BOD1L1: variants seen among roughly 807,000 people sequenced by gnomAD.
BOD1L1 encodes biorientation of chromosomes in cell division protein 1-like 1.
BOD1L1 carries 86 observed loss-of-function variants against 240.7 expected under a neutral mutation model. The observed-to-expected ratio is 0.36, with a 90% confidence interval of 0.30 to 0.43. The LOEUF (loss-of-function observed/expected upper bound fraction) is 0.43. Ranked by LOEUF, BOD1L1 falls within the 20% of genes least tolerant of loss-of-function variation. BOD1L1 has a pLI of 1.00. For synonymous variants in BOD1L1, 1,268 were observed against 1,272.3 expected (o/e 1.00, Z 0.07); for missense variants, 3,554 against 3,643.5 (o/e 0.98, Z 0.63).
chr4:13,601,046 C>T lies in BOD1L1; in HGVS notation c.5854G>A (p.Gly1952Arg). 2 of 1,614,004 alleles carry T rather than the reference C, an allele frequency of 1.2e-6. No homozygotes were observed. Among genetic ancestry groups the T allele is most frequent in the East Asian group, 4.5e-5 (2 of 44,882 alleles). ...KDTDICSSAKGIVESSVTSAV... is the reference protein window; with the variant it reads ...KDTDICSSAKRIVESSVTSAV... ...CTGGTCACACTGCTTTCTACAATCC[C>T]TTTTGCACTGGAGCAGATATCTGTG... The change falls in exon 10 of 26, where the codon GGG becomes AGG. Residue 1952 changes from glycine (G) to arginine (R), a missense_variant. Physicochemically the swap from Gly to Arg is moderately radical, Grantham distance 125. Around this residue, in one of 2 missense-constraint regions of BOD1L1, gnomAD observed 3,393 missense variants for 3,427.1 expected, o/e 0.99. Coordinates refer to ENST00000040738, the MANE Select transcript of BOD1L1 (RefSeq NM_148894.3).
rs1053032 is a variant in BOD1L1, at chr4:13,569,423, G to A, written c.*588C>T. The A allele has an allele frequency of 2.0e-5, 3 of 152,064 alleles. No individual in the cohort carries two copies. Among genetic ancestry groups the A allele is most frequent in the Admixed American group, 6.5e-5 (1 of 15,272 alleles). 9.4% of individuals were successfully genotyped at this position (152,064 alleles called of 1,614,324 possible). A position where few individuals can be genotyped will look rare whatever the true frequency, so the allele number is the denominator to read the frequency against. On this transcript the variant is annotated 3_prime_UTR_variant, in exon 26 of 26. Transcript: ENST00000040738. ...TAAACTACTTTACTTGGATACATGCGAGTTTCTGCCAGATCATATTAAGAT... is the reference window on the plus strand; with the variant it reads ...TAAACTACTTTACTTGGATACATGCAAGTTTCTGCCAGATCATATTAAGAT...
intron 2 of BOD1L1, among the ~76,000 whole-genome samples, chr4:13,619,545 A>G (rs1716888975): frequency 6.6e-6 from 1 of 152,146 alleles, no homozygotes; most frequent in African/African-American, 2.4e-5. Context: ...TCAAGAGAGA[A>G]TATTTTAATT....
At chr4:13,572,384 G>C (rs1198988916) in intron 25 of BOD1L1, among the ~76,000 whole-genome samples, 1 of 152,188 alleles carries the variant, frequency 6.6e-6, no homozygotes, top group East Asian at 1.9e-4. Context: ...CAATGCTCTA[G>C]CTAAAACAGA....
In BOD1L1 at chr4:13,613,664, T is replaced by A; in HGVS notation, c.1175-3A>T. 6.6e-7 allele frequency: 1 copy of A among 1,521,426 alleles called. No homozygotes were observed. The allele number at this position is 1,521,426 out of a possible 1,614,324, so 94.2% of individuals were successfully genotyped here. ...ATCAGAATCTATCAAAGAGAAATCT[T>A]CAAGCGGAAAATAAAACACAGAAAA... On this transcript the variant is annotated splice_region_variant and splice_polypyrimidine_tract_variant and intron_variant, in intron 4 of 25. Transcript: ENST00000040738. The surrounding 1 kb of genome is among the most constrained non-coding windows in gnomAD (Gnocchi z 4.0).
At chr4:13,605,406 T>A (rs1403991887) in intron 9 of BOD1L1, among the ~76,000 whole-genome samples, 1 of 152,164 alleles carries the variant, frequency 6.6e-6, no homozygotes, top group African/African-American at 2.4e-5. Flanking sequence ...CAAAATAAAG[T>A]TAAATACTTA....
At chr4:13,596,178 A>G (rs1368729612) in intron 11 of BOD1L1, among the ~76,000 whole-genome samples, 1 of 152,130 alleles carries the variant, frequency 6.6e-6, no homozygotes, top group Non-Finnish European at 1.5e-5. Flanking sequence ...CTTTAAAGGT[A>G]AAAACCCCAA....
chr4:13,577,363 T>G, intron 24 of BOD1L1, 40 bp downstream of exon 24: 2 of 1,574,224 alleles, frequency 1.3e-6, no homozygotes, highest in Non-Finnish European at 1.7e-6. Context: ...AAGGTGGTTT[T>G]GAAACAATAA....
At chr4:13,595,150 T>A (rs1334265240) in intron 12 of BOD1L1, among the ~76,000 whole-genome samples, 1 of 152,234 alleles carries the variant, frequency 6.6e-6, no homozygotes, top group Non-Finnish European at 1.5e-5. Context: ...AAAGAGTTGT[T>A]AACTTATAGT....
intron 2 of BOD1L1, among the ~76,000 whole-genome samples, chr4:13,615,829 A>G (rs1716544256): frequency 6.6e-6 from 1 of 152,130 alleles, no homozygotes; most frequent in South Asian, 2.1e-4. Flanking sequence ...TCTCACCCCT[A>G]CTCTGCTCAT....
chr4:13,598,274 T>C (rs1714782050), intron 10 of BOD1L1, among the ~76,000 whole-genome samples: 1 of 152,162 alleles, frequency 6.6e-6, no homozygotes. Context: ...TATTCTAAAC[T>C]AGAAACTCAT....
Position 13,577,001 on chromosome 4 carries a change from T to C in BOD1L1, c.8885-10A>G. ...TCTGGCTCTGAGGATTCTGTTCAAATAGAAGGGTAACACCTGGATTTTACA... is the reference window on the plus strand; with the variant it reads ...TCTGGCTCTGAGGATTCTGTTCAAACAGAAGGGTAACACCTGGATTTTACA... On this transcript the variant is annotated splice_polypyrimidine_tract_variant and intron_variant, in intron 24 of 25. Transcript: ENST00000040738. The C allele has an allele frequency of 6.2e-7, 1 of 1,613,162 alleles. No individual in the cohort carries two copies. The highest frequency in any genetic ancestry group is 8.5e-7 in the Non-Finnish European group (1 of 1,179,520).
intron 25 of BOD1L1, among the ~76,000 whole-genome samples, chr4:13,574,833 T>C (rs1049794249): frequency 2.6e-5 from 4 of 152,198 alleles, no homozygotes; most frequent in Non-Finnish European, 5.9e-5. Context: ...TCTGATTCTT[T>C]GAGAAATCAA....
rs1715885919 is a variant in BOD1L1, at chr4:13,608,406, C to T, written c.1742+124G>A. ...GATACTAAATATGAAACCCTAAGGT[C>T]CTTCATAAACATGCAGTAACATACA... On this transcript the variant is annotated intron_variant, in intron 8 of 25. Transcript: ENST00000040738. The T allele has an allele frequency of 5.2e-6, 4 of 772,612 alleles. No homozygotes were observed. The South Asian group carries it at 1.5e-4, about 28-fold the overall frequency. The allele number at this position is 772,612 out of a possible 1,614,324, so 47.9% of individuals were successfully genotyped here. A position where few individuals can be genotyped will look rare whatever the true frequency, so the allele number is the denominator to read the frequency against.
rs36096107 is a variant in BOD1L1 at position 13,584,441 on chromosome 4, AGTGTGTGTGTGTGT to A, written c.8434-1719_8434-1706del. ...GTGGCGGGGAGAGAAAGAGAGAGAG[AGTGTGTGTGTGTGT>A]GTGTGTGTGTGTGTGTGTGTGTGTG... is the stretch of plus-strand genomic sequence containing the variant. On this transcript the variant is annotated intron_variant, in intron 17 of 25. Transcript: ENST00000040738. Among the ~76,000 whole-genome samples the A allele has an allele frequency of 4.8e-4, 65 of 134,904 alleles. 1 individual carries two copies. Among genetic ancestry groups the A allele is most frequent in the Middle Eastern group, 3.6e-3 (1 of 274 alleles). 88.5% of individuals were successfully genotyped at this position (134,904 alleles called of 152,430 possible).
In BOD1L1 at chr4:13,599,232, CTGCTCAGCAGGAAGAAAGGAA is replaced by C. The variant is rs1714870697; in HGVS notation, c.7647_7667del (p.His2549_Glu2555del). 1 of 1,613,808 alleles carries C rather than the reference CTGCTCAGCAGGAAGAAAGGAA, an allele frequency of 6.2e-7. No homozygotes were observed. Reference sequence around the variant, plus strand: ...TTTTCAAGTTGTCTTCAGACCCCTGCTGCTCAGCAGGAAGAAAGGAATGCTCAGCCACGGTCCCTTGAACAG... The same window carrying C: ...TTTTCAAGTTGTCTTCAGACCCCTGCTGCTCAGCCACGGTCCCTTGAACAG... On this transcript the variant is annotated inframe_deletion, in exon 10 of 26. Transcript: ENST00000040738.
chr4:13,611,413 C>G (rs1387507913), intron 5 of BOD1L1, among the ~76,000 whole-genome samples: 1 of 152,180 alleles, frequency 6.6e-6, no homozygotes, highest in African/African-American at 2.4e-5. Flanking sequence ...GCGTTGGAAC[C>G]AGGAGAGGTT....
chr4:13,607,166 T>C lies in BOD1L1; in HGVS notation c.1766A>G (p.Lys589Arg), dbSNP rs780663513. The change falls in exon 9 of 26, where the codon AAG becomes AGG. Residue 589 changes from lysine (K) to arginine (R), a missense_variant. Physicochemically the swap from Lys to Arg is conservative, Grantham distance 26. This residue lies in a region of BOD1L1 where 3,393 missense variants were observed against 3,427.1 expected (regional missense o/e 0.99). Transcript: ENST00000040738. ...GGAATCTTCTTCATATTGCTGTTTCTTTTTGGAGTTCTCTTCAACATTCCT... is the reference window on the plus strand; with the variant it reads ...GGAATCTTCTTCATATTGCTGTTTCCTTTTGGAGTTCTCTTCAACATTCCT... ...DSRNVEENSK[K>R]KQQYEEDSKE... 1 of 1,575,090 alleles carries C rather than the reference T, an allele frequency of 6.3e-7. No individual in the cohort carries two copies. Among genetic ancestry groups the C allele is most frequent in the East Asian group, 2.4e-5 (1 of 42,244 alleles).
chr4:13,615,391 G>T lies in BOD1L1; in HGVS notation c.480C>A (p.Ala160=). The T allele has an allele frequency of 6.2e-7, 1 of 1,613,724 alleles. No homozygotes were observed. The highest frequency in any genetic ancestry group is 8.5e-7 in the Non-Finnish European group (1 of 1,179,760). The change falls in exon 3 of 26, where the codon GCC becomes GCA. Residue 160 remains alanine (A), a synonymous_variant. Coordinates refer to ENST00000040738, the MANE Select transcript of BOD1L1 (RefSeq NM_148894.3). ...QVEKAVHEFL[A]TLNHKEEGSG... ...TTCCTTCCTCTTTGTGATTTAGCGTGGCCAAAAACTCATGCACAGCTTTCT... is the reference window on the plus strand; with the variant it reads ...TTCCTTCCTCTTTGTGATTTAGCGTTGCCAAAAACTCATGCACAGCTTTCT...
At position 13,600,781 on chromosome 4, in the gene BOD1L1, T is replaced by G. The variant is rs779805914; in HGVS notation, c.6119A>C (p.Asn2040Thr). Residue 2040 changes from asparagine (N) to threonine (T), a missense_variant, in exon 10 of 26, where the codon AAT becomes ACT. By Grantham distance (65) the Asn-to-Thr change is moderately conservative (BLOSUM62 0). Around this residue, in one of 2 missense-constraint regions of BOD1L1, gnomAD observed 3,393 missense variants for 3,427.1 expected, o/e 0.99. Transcript: ENST00000040738. ...EDEDIITSVENEECDGLMATT... is the reference protein window; with the variant it reads ...EDEDIITSVETEECDGLMATT... ...TGCCATGAGACCATCACACTCTTCATTTTCTACAGAGGTGATGATGTCCTC... is the reference window on the plus strand; with the variant it reads ...TGCCATGAGACCATCACACTCTTCAGTTTCTACAGAGGTGATGATGTCCTC... 2 of 1,613,982 alleles carry G rather than the reference T, an allele frequency of 1.2e-6. No homozygotes were observed. The highest frequency in any genetic ancestry group is 1.7e-6 in the Non-Finnish European group (2 of 1,179,890).
Sources: allele counts gnomAD v4.1 joint callset (sites outside exome capture counted in the v4.1 genomes callset), GRCh38; gene constraint gnomAD v4.1.1; regional missense constraint gnomAD v4.1.1; non-coding constraint Gnocchi (gnomAD v3.1); transcripts MANE v1.5; gene names NCBI Gene and HGNC (gene_info 2026-07-23, HGNC 2026-07-21).